Variants in TRPC5 observed in about 807,000 individuals in gnomAD.
TRPC5 encodes transient receptor potential cation channel subfamily C member 5.
In TRPC5, 9 loss-of-function variants were observed where a neutral mutation model predicts 56.5. That is an observed-to-expected ratio of 0.16 (90% CI 0.10 to 0.28). The LOEUF is 0.28. Ranked by LOEUF, TRPC5 falls within the 10% of genes least tolerant of loss-of-function variation. The probability of loss-of-function intolerance (pLI) is 1.00; values close to 1 mark genes in which losing one functional copy is unlikely to be tolerated. For synonymous variants in TRPC5, 282 were observed against 278.5 expected (o/e 1.01, Z -0.13); for missense variants, 469 against 748.9 (o/e 0.63, Z 4.36).
At chrX:111,896,386 T>C (rs909437146) in intron 3 of TRPC5, 1 of 107,025 alleles carries the variant, frequency 9.3e-6, no homozygotes, top group Non-Finnish European at 1.9e-5. Flanking sequence ...GGGGCGGGTG[T>C]GGTTTTTTTT....
Position 112,033,280 on chromosome X carries a change from A to C in TRPC5, c.-22+48599T>G, listed in dbSNP as rs200275052. ...ATATACCTAATGTAAATGACGAGTTAACGGGTGCAGCACACCAACATGGCA... is the reference window on the plus strand; with the variant it reads ...ATATACCTAATGTAAATGACGAGTTCACGGGTGCAGCACACCAACATGGCA... On this transcript the variant is annotated intron_variant, in intron 1 of 10. Transcript: ENST00000262839. Among the ~76,000 whole-genome samples the C allele has an allele frequency of 6.5e-5, 7 of 107,571 alleles. No individual in the cohort carries two copies. In the East Asian group the frequency reaches 2.1e-3, roughly 32 times the overall value. The allele number at this position is 107,571 out of a possible 115,157, so 93.4% of individuals were successfully genotyped here.
At chrX:111,888,785 C>G (rs2148605463) in intron 3 of TRPC5, among the ~76,000 whole-genome samples, 1 of 107,157 alleles carries the variant, frequency 9.3e-6, no homozygotes, top group Admixed American at 1.0e-4. Flanking sequence ...AGGAGGCTGT[C>G]AAAATAATCA....
intron 7 of TRPC5, among the ~76,000 whole-genome samples, chrX:111,834,216 A>T (rs187006530): frequency 2.2e-3 from 244 of 112,211 alleles, no homozygotes; most frequent in African/African-American, 6.9e-3. Flanking sequence ...TGGTAACATG[A>T]TGGTGCAAAA....
intron 2 of TRPC5, among the ~76,000 whole-genome samples, chrX:111,914,834 T>C (rs895188522): frequency 9.0e-6 from 1 of 111,056 alleles, no homozygotes; most frequent in Non-Finnish European, 1.9e-5. Flanking sequence ...AAGCCTAGAG[T>C]TGGGAGAGAT....
intron 2 of TRPC5, among the ~76,000 whole-genome samples, chrX:111,940,956 C>T (rs535074048): frequency 9.0e-5 from 10 of 111,445 alleles, no homozygotes; most frequent in African/African-American, 2.3e-4. Context: ...TTGATGTCCC[C>T]GCTTCACCTT....
At chrX:111,825,207 CTTTCT>C (rs1922181626) in intron 7 of TRPC5, among the ~76,000 whole-genome samples, 8 of 59,292 alleles carry the variant, frequency 1.3e-4, no homozygotes, top group African/African-American at 3.9e-4. Context: ...TTCTTTCTTT[CTTTCT>C]TTCTTTCTTC....
chrX:111,812,623 C>T (rs967676066), intron 7 of TRPC5, among the ~76,000 whole-genome samples: 5 of 111,343 alleles, frequency 4.5e-5, no homozygotes, highest in Admixed American at 9.6e-5. Context: ...TGTCCAGTGG[C>T]GGTGATGGGA....
At chrX:111,944,303 T>TGTGTGAGA (rs1173179815) in intron 2 of TRPC5, among the ~76,000 whole-genome samples, 14 of 61,366 alleles carry the variant, frequency 2.3e-4, no homozygotes, top group South Asian at 6.4e-4. Flanking sequence ...TGTGTGTGTG[T>TGTGTGAGA]GAGAGAGAGA....
chrX:111,812,614 G>A lies in TRPC5; in HGVS notation c.1896+22307C>T, dbSNP rs1020202700. Among the ~76,000 whole-genome samples, 3 of 111,446 alleles carry A rather than the reference G, an allele frequency of 2.7e-5. No individual in the cohort carries two copies. The Admixed American group carries it at 2.9e-4, about 11-fold the overall frequency. On this transcript the variant is annotated intron_variant, in intron 7 of 10. Transcript: ENST00000262839. ...TAGTTCTGGGTATAAAGAGATGATT[G>A]TCCAGTGGCGGTGATGGGAATGCCA... is the stretch of plus-strand genomic sequence containing the variant.
rs1305261975 is a variant in TRPC5 at position 111,847,299 on chromosome X, A to G, written c.1515T>C (p.Pro505=). Reference sequence around the variant, plus strand: ...GCATGCGTCCCAAAGAGATCTGCAGAGGTCCTAAGTGGGAGTTGGCTGTGA... The same window carrying G: ...GCATGCGTCCCAAAGAGATCTGCAGGGGTCCTAAGTGGGAGTTGGCTGTGA... ...SLFTANSHLG[P]LQISLGRMLL... The change falls in exon 6 of 11, where the codon CCT becomes CCC. Residue 505 remains proline (P), a synonymous_variant. Coordinates refer to ENST00000262839, the MANE Select transcript of TRPC5 (RefSeq NM_012471.3). 8.3e-7 allele frequency: 1 copy of G among 1,211,539 alleles called. No individual in the cohort carries two copies. The highest frequency in any genetic ancestry group is 1.1e-6 in the Non-Finnish European group (1 of 895,549).
chrX:111,852,340 G>T lies in TRPC5; in HGVS notation c.1335C>A (p.Leu445=). Reference sequence around the variant, plus strand: ...TCTTCAGGGAAATAGTTGCCAGGTAGAGGGAGTTCATTGCAAAATCCATCA... The same window carrying T: ...TCTTCAGGGAAATAGTTGCCAGGTATAGGGAGTTCATTGCAAAATCCATCA... ...WNLMDFAMNS[L]YLATISLKIV... The change falls in exon 5 of 11, where the codon CTC becomes CTA. Residue 445 remains leucine (L), a synonymous_variant. Coordinates refer to ENST00000262839, the MANE Select transcript of TRPC5 (RefSeq NM_012471.3). 1 of 1,210,459 alleles carries T rather than the reference G, an allele frequency of 8.3e-7. No homozygotes were observed. Among genetic ancestry groups the T allele is most frequent in the Non-Finnish European group, 1.1e-6 (1 of 894,392 alleles).
chrX:112,029,809 G>A (rs931976082), intron 1 of TRPC5, among the ~76,000 whole-genome samples: 1 of 107,025 alleles, frequency 9.3e-6, no homozygotes, highest in African/African-American at 3.5e-5. Context: ...ATAATGAGTC[G>A]TTTTCATGAA....
chrX:112,005,463 T>TAAAAAAAA (rs745973541), intron 1 of TRPC5, among the ~76,000 whole-genome samples: 40 of 66,364 alleles, frequency 6.0e-4, no homozygotes, highest in African/African-American at 1.7e-3. Flanking sequence ...AACCTAAAAG[T>TAAAAAAAA]AAAAAAAAAA....
intron 2 of TRPC5, among the ~76,000 whole-genome samples, chrX:111,933,028 T>C: frequency 8.9e-6 from 1 of 112,495 alleles, no homozygotes; most frequent in Non-Finnish European, 1.9e-5. Flanking sequence ...CTATTTATTT[T>C]CTGAAACGTT....
chrX:111,839,565 C>G (rs138216185), intron 6 of TRPC5, among the ~76,000 whole-genome samples: 1 of 111,567 alleles, frequency 9.0e-6, no homozygotes, highest in Non-Finnish European at 1.9e-5. Context: ...ATACAGTTGT[C>G]CCTCGATATC....
At chrX:111,897,382 T>A (rs1925118189) in intron 3 of TRPC5, among the ~76,000 whole-genome samples, 1 of 111,162 alleles carries the variant, frequency 9.0e-6, no homozygotes, top group African/African-American at 3.3e-5. Context: ...GGTTACTTTT[T>A]TGAGGGGAGT....
At chrX:112,051,349 T>C (rs1001179060) in intron 1 of TRPC5, among the ~76,000 whole-genome samples, 4 of 111,928 alleles carry the variant, frequency 3.6e-5, no homozygotes, top group Non-Finnish European at 7.5e-5. Context: ...TTCCCTTTAT[T>C]ACAATTTATT....
intron 1 of TRPC5, among the ~76,000 whole-genome samples, chrX:111,965,144 T>G (rs1927523493): frequency 1.8e-5 from 2 of 109,009 alleles, no homozygotes; most frequent in African/African-American, 6.7e-5. Context: ...ACCAAGCAAA[T>G]GAAAAACAAA....
intron 7 of TRPC5, among the ~76,000 whole-genome samples, chrX:111,785,067 C>T (rs1328026263): frequency 3.6e-5 from 4 of 112,601 alleles, no homozygotes; most frequent in Non-Finnish European, 5.6e-5. Context: ...AGCAGTGGTT[C>T]TCCCAGCATG....
Sources: allele counts gnomAD v4.1 joint callset (sites outside exome capture counted in the v4.1 genomes callset), GRCh38; gene constraint gnomAD v4.1.1; transcripts MANE v1.5; gene names NCBI Gene and HGNC (gene_info 2026-07-23, HGNC 2026-07-21).